Variants in GPR158 observed in about 807,000 individuals in gnomAD.
GPR158 encodes metabotropic glycine receptor.
Under a neutral mutation model 78.2 loss-of-function variants are expected in GPR158, and 30 were observed. That is an observed-to-expected ratio of 0.38 (90% CI 0.29 to 0.52). GPR158 has a LOEUF of 0.52. GPR158 is among the 20% of genes least tolerant of loss of function. The probability of loss-of-function intolerance (pLI) is 0.83; values close to 1 mark genes in which losing one functional copy is unlikely to be tolerated. For synonymous variants in GPR158, 581 were observed against 591.1 expected, an observed-to-expected ratio of 0.98 and a Z score of 0.25; for missense variants, 1,463 against 1,523.5, an observed-to-expected ratio of 0.96 and a Z score of 0.66.
intron 2 of GPR158, among the ~76,000 whole-genome samples, chr10:25,354,614 G>T (rs1330771889): frequency 6.6e-6 from 1 of 152,066 alleles, no homozygotes; most frequent in South Asian, 2.1e-4. Flanking sequence ...TCCAGTGTTA[G>T]AGTATTCTTG....
chr10:25,407,633 ACTCATTCATACTAAACAC>A (rs937025668), intron 3 of GPR158, among the ~76,000 whole-genome samples: 4 of 151,786 alleles, frequency 2.6e-5, no homozygotes, highest in African/African-American at 9.7e-5. Context: ...TTTTTCTTCC[ACTCATTCATACTAAACAC>A]CTTGGAGACA....
intron 6 of GPR158, among the ~76,000 whole-genome samples, chr10:25,562,776 T>C (rs1443941636): frequency 6.6e-6 from 1 of 152,254 alleles, no homozygotes; most frequent in African/African-American, 2.4e-5. Context: ...CCCGTGTTTG[T>C]CTGTAAGGTC....
At chr10:25,373,197 C>G (rs1319798184) in intron 2 of GPR158, among the ~76,000 whole-genome samples, 2 of 151,734 alleles carry the variant, frequency 1.3e-5, no homozygotes, top group Non-Finnish European at 2.9e-5. Flanking sequence ...AACACAGGAA[C>G]AAAATACTGC....
chr10:25,227,354 C>G (rs776288703), intron 2 of GPR158, among the ~76,000 whole-genome samples: 4 of 152,168 alleles, frequency 2.6e-5, no homozygotes, highest in Non-Finnish European at 5.9e-5. Flanking sequence ...TCTTTGTTGT[C>G]TAGACATCTC....
chr10:25,207,453 G>GA (rs1853058407), intron 1 of GPR158, among the ~76,000 whole-genome samples: 1 of 152,190 alleles, frequency 6.6e-6, no homozygotes, highest in Non-Finnish European at 1.5e-5. Flanking sequence ...CGATGGTGGG[G>GA]AAGGGGGATG....
chr10:25,414,726 T>C (rs1211169049), intron 4 of GPR158, among the ~76,000 whole-genome samples: 2 of 152,160 alleles, frequency 1.3e-5, no homozygotes, highest in Admixed American at 6.5e-5. Context: ...ATCTCTTTTG[T>C]AGCAATATTG....
intron 7 of GPR158, among the ~76,000 whole-genome samples, chr10:25,581,282 T>C (rs1837195573): frequency 6.6e-6 from 1 of 151,960 alleles, no homozygotes; most frequent in Non-Finnish European, 1.5e-5. Flanking sequence ...TTGACCAGGC[T>C]GGTCTCAAAC....
intron 4 of GPR158, among the ~76,000 whole-genome samples, chr10:25,430,915 G>A (rs971987010): frequency 7.9e-5 from 12 of 151,040 alleles, no homozygotes; most frequent in Middle Eastern, 3.4e-3. Context: ...AACCCTAGAA[G>A]AAAACCTAGG....
intron 4 of GPR158, among the ~76,000 whole-genome samples, chr10:25,437,655 A>G (rs966725482): frequency 2.0e-5 from 3 of 152,208 alleles, no homozygotes; most frequent in Non-Finnish European, 4.4e-5. Context: ...TGAGCCTATT[A>G]GATTGATTTG....
chr10:25,312,312 A>G (rs532451353), intron 2 of GPR158, among the ~76,000 whole-genome samples: 68 of 152,196 alleles, frequency 4.5e-4, no homozygotes, highest in African/African-American at 1.6e-3. Context: ...TAGATATTTC[A>G]AATGTTGATA....
rs1365694682 is a variant in GPR158 at position 25,572,639 on chromosome 10, G to A, written c.1515-10G>A. On this transcript the variant is annotated splice_polypyrimidine_tract_variant and intron_variant, in intron 6 of 10. Coordinates refer to ENST00000376351, the MANE Select transcript of GPR158 (RefSeq NM_020752.3). ...GGTTTGCTTTCACATTTGAACTTTT[G>A]CTTTTCTAGGGTTTTGAAGGTGTTT... 2 of 1,549,566 alleles carry A rather than the reference G, an allele frequency of 1.3e-6. No individual in the cohort carries two copies. Among genetic ancestry groups the A allele is most frequent in the Non-Finnish European group, 1.8e-6 (2 of 1,121,322 alleles).
chr10:25,559,780 A>G (rs1466196688), intron 6 of GPR158, among the ~76,000 whole-genome samples: 1 of 152,226 alleles, frequency 6.6e-6, no homozygotes, highest in Non-Finnish European at 1.5e-5. Flanking sequence ...TAATTTCTTT[A>G]CATTTGTTTA....
At position 25,432,010 on chromosome 10, in the gene GPR158, A is replaced by T. The variant is rs1300485732; in HGVS notation, c.1335+19537A>T. 4.1e-5 allele frequency among the ~76,000 whole-genome samples: 3 copies of T among 72,766 alleles called. No individual in the cohort carries two copies. In the South Asian group the frequency reaches 1.5e-3, roughly 36 times the overall value. The allele number at this position is 72,766 out of a possible 152,430, so 47.7% of individuals were successfully genotyped here. The stretch of plus-strand genomic sequence containing the variant: ...TAAAACTTAAAGTATAATAATAATA[A>T]AATAAAAAAAAATGCAAAGGGTGGG... On this transcript the variant is annotated intron_variant, in intron 4 of 10. Transcript: ENST00000376351.
At chr10:25,575,061 C>A (rs1837071177) in intron 7 of GPR158, among the ~76,000 whole-genome samples, 2 of 113,942 alleles carry the variant, frequency 1.8e-5, no homozygotes, top group African/African-American at 7.1e-5. Context: ...AGCGAGACTC[C>A]ATCTCAAAAA....
intron 5 of GPR158, among the ~76,000 whole-genome samples, chr10:25,491,131 A>ATG (rs1045152111): frequency 4.6e-5 from 7 of 152,100 alleles, no homozygotes; most frequent in African/African-American, 1.7e-4. Flanking sequence ...TATGGCGTGT[A>ATG]TGTGTGTGTG....
intron 4 of GPR158, among the ~76,000 whole-genome samples, chr10:25,437,505 C>T (rs991056055): frequency 6.6e-6 from 1 of 152,168 alleles, no homozygotes; most frequent in Non-Finnish European, 1.5e-5. Context: ...GGATTACAGG[C>T]ATGAGCCACT....
At chr10:25,280,323 C>G (rs374185985) in intron 2 of GPR158, among the ~76,000 whole-genome samples, 2 of 152,202 alleles carry the variant, frequency 1.3e-5, no homozygotes, top group African/African-American at 4.8e-5. Flanking sequence ...GCTGAGATAC[C>G]TATCTTATGT....
At chr10:25,530,612 C>T (rs1564481169) in intron 5 of GPR158, among the ~76,000 whole-genome samples, 1 of 152,204 alleles carries the variant, frequency 6.6e-6, no homozygotes, top group Admixed American at 6.5e-5. Flanking sequence ...ACAAACAAAG[C>T]TGATCCATTA....
chr10:25,501,623 A>T (rs1347579386), intron 5 of GPR158, among the ~76,000 whole-genome samples: 1 of 152,204 alleles, frequency 6.6e-6, no homozygotes, highest in Non-Finnish European at 1.5e-5. Context: ...GCTGCACCCC[A>T]CATGAAACAG....
Sources: allele counts gnomAD v4.1 joint callset (sites outside exome capture counted in the v4.1 genomes callset), GRCh38; gene constraint gnomAD v4.1.1; transcripts MANE v1.5; gene names NCBI Gene and HGNC (gene_info 2026-07-23, HGNC 2026-07-21).